MARK2: variants seen among roughly 807,000 people sequenced by gnomAD.
MARK2 encodes the protein microtubule affinity regulating kinase 2, also known as serine/threonine-protein kinase MARK2.
Under a neutral mutation model 89.8 loss-of-function variants are expected in MARK2, and 16 were observed. That is an observed-to-expected ratio of 0.18 (90% CI 0.12 to 0.27). MARK2 has a LOEUF of 0.27. MARK2 is among the 10% of genes least tolerant of loss of function. MARK2 has a pLI of 1.00. For synonymous variants in MARK2, 382 were observed against 399.5 expected (o/e 0.96, Z 0.52); for missense variants, 621 against 1,049.9 (o/e 0.59, Z 5.65).
Position 63,857,452 on chromosome 11 carries a change from A to G in MARK2, c.54+17892A>G, listed in dbSNP as rs546228584. Among the ~76,000 whole-genome samples the G allele has an allele frequency of 8.5e-5, 13 of 152,322 alleles. No individual in the cohort carries two copies. In the East Asian group the frequency reaches 2.1e-3, roughly 25 times the overall value. On this transcript the variant is annotated intron_variant, in intron 1 of 18. Transcript: ENST00000402010. ...TGCCTTGGCCTCCCAAAGTGCTGGGATTACAGGCATGAGCCACCGCCCCAG... is the reference window on the plus strand; with the variant it reads ...TGCCTTGGCCTCCCAAAGTGCTGGGGTTACAGGCATGAGCCACCGCCCCAG...
intron 1 of MARK2, among the ~76,000 whole-genome samples, chr11:63,858,518 T>G (rs922656533): frequency 6.6e-6 from 1 of 152,098 alleles, no homozygotes; most frequent in African/African-American, 2.4e-5. Context: ...CACACCCGGC[T>G]AATTTTTGTA....
intron 17 of MARK2, among the ~76,000 whole-genome samples, chr11:63,908,057 C>T (rs1006811744): frequency 7.2e-5 from 11 of 152,254 alleles, no homozygotes; most frequent in African/African-American, 2.7e-4. Flanking sequence ...TGCTGGGCTC[C>T]CTGCTGGAAA....
rs765831400 is a variant in MARK2, at chr11:63,895,612, G to C, written c.267G>C (p.Leu89=). Residue 89 remains leucine (L), a synonymous_variant, in exon 3 of 19, where the codon CTG becomes CTC. Coordinates refer to ENST00000402010, the MANE Select transcript of MARK2 (RefSeq NM_001039469.3). ...TGAAGATCATTGACAAGACTCAACT[G>C]AACTCCTCCAGCCTCCAGAAAGTAA... ...VAVKIIDKTQ[L]NSSSLQKLFR... is the part of the protein sequence containing the mutation. 17 of 1,599,280 alleles carry C rather than the reference G, an allele frequency of 1.1e-5. No individual in the cohort carries two copies. In the South Asian group the frequency reaches 1.8e-4, roughly 17 times the overall value.
intron 1 of MARK2, among the ~76,000 whole-genome samples, chr11:63,863,821 G>A (rs1937964056): frequency 6.6e-6 from 1 of 151,752 alleles, no homozygotes; most frequent in African/African-American, 2.4e-5. Context: ...CACCCAAGCT[G>A]GAGTGTAGTG....
At chr11:63,893,079 AT>A (rs1940040742) in intron 1 of MARK2, among the ~76,000 whole-genome samples, 1 of 150,048 alleles carries the variant, frequency 6.7e-6, no homozygotes, top group African/African-American at 2.5e-5. Context: ...TGCCCAGCTA[AT>A]TTTTTGTATT....
At chr11:63,899,191 C>T in intron 7 of MARK2, 83 bp downstream of exon 7, 1 of 849,626 alleles carries the variant, frequency 1.2e-6, no homozygotes, top group Admixed American at 1.7e-5. Context: ...CCATCAATAA[C>T]CATCAGGCCC....
In MARK2 at chr11:63,881,078, C is replaced by T. The variant is rs536266411; in HGVS notation, c.55-14081C>T. 2.6e-5 allele frequency among the ~76,000 whole-genome samples: 4 copies of T among 151,252 alleles called. No individual in the cohort carries two copies. In the East Asian group the frequency reaches 7.8e-4, roughly 29 times the overall value. ...CAGCACTTTGGGAGGCCAAGGCAGGCAGATCACCTGAGGTCAGGAGTTCGA... is the reference window on the plus strand; with the variant it reads ...CAGCACTTTGGGAGGCCAAGGCAGGTAGATCACCTGAGGTCAGGAGTTCGA... On this transcript the variant is annotated intron_variant, in intron 1 of 18. Transcript: ENST00000402010.
At chr11:63,908,522 G>A (rs568992266) in intron 18 of MARK2, among the ~76,000 whole-genome samples, 1 of 152,194 alleles carries the variant, frequency 6.6e-6, no homozygotes, top group Admixed American at 6.5e-5. Context: ...CTGGAAGTCG[G>A]AGTTCTGGGT....
chr11:63,885,557 G>A (rs1939341627), intron 1 of MARK2, among the ~76,000 whole-genome samples: 1 of 151,850 alleles, frequency 6.6e-6, no homozygotes, highest in African/African-American at 2.4e-5. Flanking sequence ...AAGAGAGGCT[G>A]GGCGTAGTGG....
intron 1 of MARK2, among the ~76,000 whole-genome samples, chr11:63,859,983 T>G (rs2135236130): frequency 6.6e-6 from 1 of 152,290 alleles, no homozygotes; most frequent in East Asian, 1.9e-4. Context: ...GTTATGTAGG[T>G]ATACTTTATT....
chr11:63,881,482 A>G (rs184274709), intron 1 of MARK2, among the ~76,000 whole-genome samples: 1 of 152,238 alleles, frequency 6.6e-6, no homozygotes, highest in Admixed American at 6.5e-5. Flanking sequence ...TGGGGTCGAG[A>G]GTGGGCAACT....
At position 63,898,839 on chromosome 11, in the gene MARK2, T is replaced by C; in HGVS notation, c.474+6T>C. 1.2e-6 allele frequency: 2 copies of C among 1,612,524 alleles called. No individual in the cohort carries two copies. The highest frequency in any genetic ancestry group is 8.5e-7 in the Non-Finnish European group (1 of 1,179,122). On this transcript the variant is annotated splice_donor_region_variant and intron_variant, in intron 6 of 18. Transcript: ENST00000402010. ...CTCGAGCCAAATTCCGCCAGGTAGGTGTGACTCCCTCCATAGGAGCTAGGC... is the reference window on the plus strand; with the variant it reads ...CTCGAGCCAAATTCCGCCAGGTAGGCGTGACTCCCTCCATAGGAGCTAGGC...
chr11:63,855,769 C>G (rs1261524638), intron 1 of MARK2, among the ~76,000 whole-genome samples: 3 of 152,108 alleles, frequency 2.0e-5, no homozygotes, highest in Non-Finnish European at 4.4e-5. Flanking sequence ...TATGAAAACA[C>G]ATTGAATGTG....
intron 1 of MARK2, among the ~76,000 whole-genome samples, chr11:63,893,502 GCT>G (rs1940093023): frequency 6.6e-6 from 1 of 151,812 alleles, no homozygotes; most frequent in African/African-American, 2.4e-5. Flanking sequence ...GGATTATGGT[GCT>G]GTGAACCTTG....
At chr11:63,855,025 T>A (rs2016771217) in intron 1 of MARK2, among the ~76,000 whole-genome samples, 1 of 152,186 alleles carries the variant, frequency 6.6e-6, no homozygotes, top group African/African-American at 2.4e-5. Flanking sequence ...CCTGTCATTG[T>A]TGCCAGTGAT....
At chr11:63,857,637 A>C (rs1028445956) in intron 1 of MARK2, among the ~76,000 whole-genome samples, 2 of 152,244 alleles carry the variant, frequency 1.3e-5, no homozygotes, top group Non-Finnish European at 2.9e-5. Flanking sequence ...ATGTTCTGTT[A>C]AATGAATTGA....
At chr11:63,907,477 C>T (rs557815574) in intron 17 of MARK2, among the ~76,000 whole-genome samples, 2 of 152,358 alleles carry the variant, frequency 1.3e-5, no homozygotes, top group South Asian at 4.1e-4. Context: ...CTGCAATCCC[C>T]AGTTTCCTAG....
Position 63,844,909 on chromosome 11 carries a change from A to G in MARK2, c.54+5349A>G, listed in dbSNP as rs1482605756. Among the ~76,000 whole-genome samples, 3 of 152,188 alleles carry G rather than the reference A, an allele frequency of 2.0e-5. No individual in the cohort carries two copies. In the South Asian group the frequency reaches 6.2e-4, roughly 31 times the overall value. ...TCCCAGGAGCTTCCATGAGGTTCCT[A>G]CTTATGTATTATGTCGACTTGAATG... is the stretch of plus-strand genomic sequence containing the variant. On this transcript the variant is annotated intron_variant, in intron 1 of 18. Coordinates refer to ENST00000402010, the MANE Select transcript of MARK2 (RefSeq NM_001039469.3).
At chr11:63,901,744 G>A (rs1037680129) in intron 11 of MARK2, among the ~76,000 whole-genome samples, 2 of 151,864 alleles carry the variant, frequency 1.3e-5, no homozygotes, top group South Asian at 4.2e-4. Flanking sequence ...CTTCCCGTCT[G>A]TGGATCTGGA....
Sources: allele counts gnomAD v4.1 joint callset (sites outside exome capture counted in the v4.1 genomes callset), GRCh38; gene constraint gnomAD v4.1.1; transcripts MANE v1.5; gene names NCBI Gene and HGNC (gene_info 2026-07-23, HGNC 2026-07-21).